Variants in PDE1A observed in about 807,000 individuals in gnomAD.
PDE1A encodes the protein phosphodiesterase 1A.
PDE1A carries 35 observed loss-of-function variants against 61.7 expected under a neutral mutation model. That is an observed-to-expected ratio of 0.57 (90% CI 0.43 to 0.75). The LOEUF (loss-of-function observed/expected upper bound fraction) is 0.75. Among genes scored for constraint, PDE1A ranks in the 30% least tolerant of loss-of-function variants. The pLI, the probability that PDE1A is intolerant of heterozygous loss-of-function variation, is 0.00. For missense variants in PDE1A, 597 were observed against 630.6 expected (o/e 0.95, Z 0.57); for synonymous variants, 232 against 213.2 (o/e 1.09, Z -0.77).
chr2:182,610,771 GAGA>G, the PDE1A span, among the ~76,000 whole-genome samples: 42 of 151,992 alleles, frequency 2.8e-4, no homozygotes, highest in African/African-American at 9.9e-4. Context: ...TTGAAAAAGA[GAGA>G]AGAAAATAAA....
chr2:182,609,387 C>T, the PDE1A span, among the ~76,000 whole-genome samples: 1 of 152,226 alleles, frequency 6.6e-6, no homozygotes, highest in South Asian at 2.1e-4. Flanking sequence ...CTCTAGAGTC[C>T]TTTTCTGCAT....
At chr2:182,516,749 G>GAA (rs1690197500) in intron 2 of PDE1A, among the ~76,000 whole-genome samples, 1 of 135,678 alleles carries the variant, frequency 7.4e-6, no homozygotes, top group East Asian at 2.2e-4. Flanking sequence ...AGGAAAAAGA[G>GAA]AGAAAGAAAG....
At chr2:182,195,887 T>C (rs191619008) in intron 10 of PDE1A, among the ~76,000 whole-genome samples, 1 of 152,192 alleles carries the variant, frequency 6.6e-6, no homozygotes, top group Admixed American at 6.5e-5. Flanking sequence ...TTCTAGGACA[T>C]ATGCATAGAT....
chr2:182,286,534 A>G (rs1039736340), intron 1 of PDE1A, among the ~76,000 whole-genome samples: 2 of 152,140 alleles, frequency 1.3e-5, no homozygotes, highest in Non-Finnish European at 2.9e-5. Context: ...AAGAAATCTT[A>G]GTTGTGAGTT....
chr2:182,345,556 A>G (rs1392542680), intron 1 of PDE1A, among the ~76,000 whole-genome samples: 1 of 152,152 alleles, frequency 6.6e-6, no homozygotes, highest in Non-Finnish European at 1.5e-5. Context: ...GCCTTATCCC[A>G]GTTATTACAG....
chr2:182,584,176 CTGACTAT>C, the PDE1A span, among the ~76,000 whole-genome samples: 5 of 151,782 alleles, frequency 3.3e-5, no homozygotes, highest in African/African-American at 1.2e-4. Flanking sequence ...AGTTCTACTG[CTGACTAT>C]CTCTGTTAGT....
chr2:182,278,941 AGT>A (rs1693623487), intron 1 of PDE1A, among the ~76,000 whole-genome samples: 1 of 151,576 alleles, frequency 6.6e-6, no homozygotes, highest in South Asian at 2.1e-4. Context: ...AAAAGCTTAA[AGT>A]TTAAATTCCA....
Position 182,316,693 on chromosome 2 carries a change from CAATA to C in PDE1A, c.54-52283_54-52280del, listed in dbSNP as rs1287851367. 8.5e-5 allele frequency among the ~76,000 whole-genome samples: 13 copies of C among 152,142 alleles called. No homozygotes were observed. The South Asian group carries it at 2.5e-3, about 29-fold the overall frequency. ...TTATTCTCTTTTTAAAACTGCATGA[CAATA>C]AATATTGTATATTGTACTTTACTTT... On this transcript the variant is annotated intron_variant, in intron 1 of 13. Coordinates refer to ENST00000351439, the Ensembl canonical transcript of PDE1A.
At chr2:182,352,348 T>A (rs1208007755) in intron 1 of PDE1A, among the ~76,000 whole-genome samples, 1 of 152,192 alleles carries the variant, frequency 6.6e-6, no homozygotes, top group East Asian at 1.9e-4. Context: ...TTGATACTCA[T>A]GCTGCTTGCA....
At chr2:182,619,331 A>G in the PDE1A span, among the ~76,000 whole-genome samples, 2 of 152,118 alleles carry the variant, frequency 1.3e-5, no homozygotes, top group Non-Finnish European at 2.9e-5. Flanking sequence ...GAGAACACCC[A>G]GAAAAACGCT....
chr2:182,393,060 G>A (rs1055158689), intron 1 of PDE1A, among the ~76,000 whole-genome samples: 1 of 152,220 alleles, frequency 6.6e-6, no homozygotes, highest in Admixed American at 6.5e-5. Context: ...CTGTGTGGGG[G>A]CTCCCACCCA....
At chr2:182,176,094 A>G (rs1259511224) in intron 13 of PDE1A, among the ~76,000 whole-genome samples, 1 of 149,128 alleles carries the variant, frequency 6.7e-6, no homozygotes, top group Non-Finnish European at 1.5e-5. Context: ...GTAGCCTTGT[A>G]GTATAGTTTG....
At chr2:182,407,384 T>TA (rs1325522705) in intron 1 of PDE1A, among the ~76,000 whole-genome samples, 3 of 118,132 alleles carry the variant, frequency 2.5e-5, no homozygotes, top group African/African-American at 1.4e-4. Flanking sequence ...TTATTATTAT[T>TA]TTTTTTTTAT....
At chr2:182,584,434 C>CT in the PDE1A span, among the ~76,000 whole-genome samples, 1 of 152,260 alleles carries the variant, frequency 6.6e-6, no homozygotes, top group Non-Finnish European at 1.5e-5. Flanking sequence ...CGCTGACTAT[C>CT]TCTGTGACTT....
downstream of PDE1A, among the ~76,000 whole-genome samples, chr2:182,163,167 C>T (rs548314205): frequency 3.3e-5 from 5 of 152,240 alleles, no homozygotes; most frequent in South Asian, 4.1e-4. Flanking sequence ...TTACCCAAGT[C>T]GTGACTCTAA....
At chr2:182,582,373 G>T in the PDE1A span, among the ~76,000 whole-genome samples, 1 of 152,194 alleles carries the variant, frequency 6.6e-6, no homozygotes, top group Non-Finnish European at 1.5e-5. Context: ...CACGCAGATG[G>T]TCATTAAGAT....
rs574535124 is a variant in PDE1A at position 182,403,339 on chromosome 2, C to G, written c.53+23239G>C. On this transcript the variant is annotated intron_variant, in intron 1 of 13. Coordinates refer to ENST00000351439, the Ensembl canonical transcript of PDE1A. ...CATAGGCCAGGCGCGGTGGCTCAAG[C>G]CTGTAATCCCAGCACTTTAGGAGGC... 6.2e-4 allele frequency among the ~76,000 whole-genome samples: 94 copies of G among 152,140 alleles called. 1 individual carries two copies. Among genetic ancestry groups the G allele is most frequent in the Non-Finnish European group, 1.8e-4 (12 of 68,002 alleles).
At chr2:182,512,463 C>A (rs530172810) in intron 2 of PDE1A, among the ~76,000 whole-genome samples, 48 of 152,274 alleles carry the variant, frequency 3.2e-4, no homozygotes, top group Middle Eastern at 6.8e-3. Flanking sequence ...CAAAGGACAG[C>A]AACTTCAAAG....
chr2:182,375,871 G>T (rs1311973641), intron 1 of PDE1A, among the ~76,000 whole-genome samples: 1 of 152,172 alleles, frequency 6.6e-6, no homozygotes, highest in East Asian at 1.9e-4. Flanking sequence ...GAACATTCAG[G>T]CTCAACACCA....
Sources: gnomAD v4.1 joint callset for allele counts (sites outside exome capture counted in the v4.1 genomes callset) on GRCh38, gnomAD v4.1.1 for gene constraint, MANE v1.5 for transcripts, NCBI Gene and HGNC (gene_info 2026-07-23, HGNC 2026-07-21) for gene names.